Variants in SOD2 observed in about 807,000 individuals in gnomAD.
The protein encoded by SOD2 is superoxide dismutase [Mn], mitochondrial.
In SOD2, 11 loss-of-function variants were observed where a neutral mutation model predicts 27.0. That is an observed-to-expected ratio of 0.41 (90% CI 0.26 to 0.67). SOD2 has a LOEUF of 0.67. Ranked by LOEUF, SOD2 falls within the 30% of genes least tolerant of loss-of-function variation. SOD2 has a pLI of 0.34. For missense variants in SOD2, 250 were observed against 274.5 expected, an observed-to-expected ratio of 0.91 and a Z score of 0.63; for synonymous variants, 105 against 103.0, an observed-to-expected ratio of 1.02 and a Z score of -0.12.
At chr6:159,696,246 C>T (rs1236795336), upstream of SOD2, among the ~76,000 whole-genome samples, 4 of 152,196 alleles carry the variant, frequency 2.6e-5, no homozygotes, top group Non-Finnish European at 5.9e-5. Context: ...GCTTCCACAG[C>T]ACCAGCAACC....
At chr6:159,706,664 T>C (rs1319921194) in intron 1 of SOD2, among the ~76,000 whole-genome samples, 1 of 152,068 alleles carries the variant, frequency 6.6e-6, no homozygotes, top group Non-Finnish European at 1.5e-5. Flanking sequence ...CACACAATAA[T>C]AATGGGAGAC....
intron 1 of SOD2, among the ~76,000 whole-genome samples, chr6:159,700,768 A>C (rs989776045): frequency 6.6e-6 from 1 of 152,168 alleles, no homozygotes; most frequent in Non-Finnish European, 1.5e-5. Flanking sequence ...AAGAACAAAT[A>C]TCTCTCTGAG....
At chr6:159,720,561 G>A (rs893156129) in intron 1 of SOD2, 1 of 152,524 alleles carries the variant, frequency 6.6e-6, no homozygotes, top group Non-Finnish European at 1.5e-5. Flanking sequence ...CTTTCATCAC[G>A]CGTTGATATT....
At chr6:159,746,809 C>T (rs959729421), upstream of SOD2, among the ~76,000 whole-genome samples, 2 of 152,178 alleles carry the variant, frequency 1.3e-5, no homozygotes, top group South Asian at 2.1e-4. Context: ...TCAGTGTTCT[C>T]TTCCCTAGAA....
intron 1 of SOD2, among the ~76,000 whole-genome samples, chr6:159,724,691 A>G (rs1238001306): frequency 6.6e-6 from 1 of 151,888 alleles, no homozygotes; most frequent in Non-Finnish European, 1.5e-5. Context: ...CTCTACTGAA[A>G]ATAGAAAAAA....
chr6:159,684,448 C>A (rs1442404160), intron 4 of SOD2, among the ~76,000 whole-genome samples: 1 of 151,456 alleles, frequency 6.6e-6, no homozygotes, highest in Non-Finnish European at 1.5e-5. Context: ...GAAACCCTGT[C>A]TGTACTAAAA....
intron 1 of SOD2, among the ~76,000 whole-genome samples, chr6:159,724,922 A>C (rs966865154): frequency 2.0e-5 from 3 of 147,568 alleles, no homozygotes; most frequent in South Asian, 2.3e-4. Context: ...GAGGGAGGGA[A>C]GAAGGGAGGG....
At chr6:159,708,265 C>T (rs113102903) in intron 1 of SOD2, among the ~76,000 whole-genome samples, 1 of 152,158 alleles carries the variant, frequency 6.6e-6, no homozygotes, top group Non-Finnish European at 1.5e-5. Context: ...GAAGTTCTGG[C>T]CAGGGCCATC....
chr6:159,682,504 A>G lies in SOD2; in HGVS notation c.658T>C (p.Cys220Arg). The G allele has an allele frequency of 6.2e-7, 1 of 1,613,190 alleles. No individual in the cohort carries two copies. Among genetic ancestry groups the G allele is most frequent in the Non-Finnish European group, 8.5e-7 (1 of 1,179,716 alleles). The change falls in exon 5 of 5, where the codon TGC (cysteine) becomes CGC (arginine). Residue 220 changes from cysteine (C) to arginine (R), a missense_variant. Transcript: ENST00000538183. ...WENVTERYMACKK is the reference protein window; with the variant it reads ...WENVTERYMARKK ...ATAACGATCGTGGTTTACTTTTTGC[A>G]AGCCATGTATCTTTCAGTTACATTC...
In SOD2 at chr6:159,679,725, C is replaced by T. The variant is rs558789613; in HGVS notation, c.*2768G>A. ...GTCACAAAAACCCTTCTTGGATGAA[C>T]AATACTTGTTCTTTTCAGAAGAAAA... is the stretch of plus-strand genomic sequence containing the variant. On this transcript the variant is annotated 3_prime_UTR_variant, in exon 5 of 5. Transcript: ENST00000538183. 2.0e-5 allele frequency: 3 copies of T among 152,220 alleles called. No individual in the cohort carries two copies. The highest frequency in any genetic ancestry group is 2.9e-5 in the Non-Finnish European group (2 of 68,032). 9.4% of individuals were successfully genotyped at this position (152,220 alleles called of 1,614,324 possible).
exon 1 of SOD2, chr6:159,762,190 C>T: frequency 1.3e-6 from 2 of 1,581,408 alleles, no homozygotes; most frequent in South Asian, 1.1e-5. Context: ...CCTGCTGCTT[C>T]GGCAGGAGCG....
chr6:159,685,105 C>T (rs1328232224), intron 3 of SOD2, 72 bp from the exon 4 acceptor site: 4 of 1,077,044 alleles, frequency 3.7e-6, no homozygotes, highest in Middle Eastern at 2.2e-4. Flanking sequence ...TGTTATATTA[C>T]ATGTATTAAA....
intron 1 of SOD2, among the ~76,000 whole-genome samples, chr6:159,758,255 G>GAA (rs71742935): frequency 1.4e-5 from 2 of 141,544 alleles, no homozygotes; most frequent in Non-Finnish European, 3.1e-5. Flanking sequence ...GGGCTGCTGT[G>GAA]AAAAAAAAAA....
chr6:159,715,814 C>T (rs921765223), intron 1 of SOD2, among the ~76,000 whole-genome samples: 38 of 151,554 alleles, frequency 2.5e-4, no homozygotes, highest in Non-Finnish European at 5.1e-4. Context: ...GTGGGAGTAT[C>T]GCTTGAGCCC....
chr6:159,749,149 TACAA>T (rs1225434910), upstream of SOD2: 1 of 985,900 alleles, frequency 1.0e-6, no homozygotes, highest in Non-Finnish European at 1.2e-6. Flanking sequence ...CTGAGGACTG[TACAA>T]ACATGAAGGT....
At chr6:159,748,931 T>G (rs140380891), upstream of SOD2, 12 of 1,139,024 alleles carry the variant, frequency 1.1e-5, no homozygotes, top group East Asian at 4.8e-4. The surrounding 1 kb of genome is among the most constrained non-coding windows in gnomAD (Gnocchi z 5.6). Flanking sequence ...AAAACTCAAA[T>G]GAGGTGAATT....
At chr6:159,748,595 T>C (rs1779705532), upstream of SOD2, 8 of 1,362,436 alleles carry the variant, frequency 5.9e-6, no homozygotes, top group Non-Finnish European at 9.4e-7. The surrounding 1 kb of genome is among the most constrained non-coding windows in gnomAD (Gnocchi z 5.6). Context: ...TTCAGAGGCC[T>C]GATGGCGTCG....
At position 159,674,911 on chromosome 6, in the gene SOD2, A is replaced by G. The variant is rs1438771023; in HGVS notation, c.*7582T>C. 2.0e-5 allele frequency: 3 copies of G among 152,212 alleles called. No homozygotes were observed. The highest frequency in any genetic ancestry group is 4.4e-5 in the Non-Finnish European group (3 of 68,050). The allele number at this position is 152,212 out of a possible 1,614,324, so 9.4% of individuals were successfully genotyped here. A position where few individuals can be genotyped will look rare whatever the true frequency, so the allele number is the denominator to read the frequency against. ...AACTTCAGCAAAATCTCAGGATACA[A>G]AATCAATGTGCAAAAATCACAAGCA... On this transcript the variant is annotated 3_prime_UTR_variant, in exon 5 of 5. Coordinates refer to ENST00000538183, the MANE Select transcript of SOD2 (RefSeq NM_000636.4).
chr6:159,720,847 CTTTTTTTTTTTTTTTT>C (rs763455003), intron 1 of SOD2, among the ~76,000 whole-genome samples: 1 of 59,946 alleles, frequency 1.7e-5, no homozygotes, highest in African/African-American at 6.5e-5. Context: ...TTTTCTTTAC[CTTTTTTTTTTTTTTTT>C]TTTTTTTTTT....
Sources: allele counts gnomAD v4.1 joint callset (sites outside exome capture counted in the v4.1 genomes callset), GRCh38; gene constraint gnomAD v4.1.1; non-coding constraint Gnocchi (gnomAD v3.1); transcripts MANE v1.5; gene names NCBI Gene and HGNC (gene_info 2026-07-23, HGNC 2026-07-21).